Variants in MAP2K1 observed in about 807,000 individuals in gnomAD.
The protein encoded by MAP2K1 is mitogen-activated protein kinase kinase 1.
MAP2K1 carries 16 observed loss-of-function variants against 46.3 expected under a neutral mutation model. The observed-to-expected ratio is 0.35, with a 90% CI of 0.23 to 0.52. MAP2K1 has a LOEUF of 0.52. Among genes scored for constraint, MAP2K1 ranks in the 20% least tolerant of loss-of-function variants. MAP2K1 has a pLI of 0.94. For synonymous variants in MAP2K1, 183 were observed against 185.6 expected, an observed-to-expected ratio of 0.99 and a Z score of 0.11; for missense variants, 263 against 497.1, an observed-to-expected ratio of 0.53 and a Z score of 4.48.
At chr15:66,438,233 C>T (rs1008378594) in intron 3 of MAP2K1, among the ~76,000 whole-genome samples, 27 of 151,556 alleles carry the variant, frequency 1.8e-4, no homozygotes, top group African/African-American at 4.8e-4. Flanking sequence ...ATTACAGGTG[C>T]GCACCACCAC....
intron 10 of MAP2K1, chr15:66,490,201 G>C (rs369169545): frequency 1.8e-6 from 1 of 548,338 alleles, no homozygotes; most frequent in African/African-American, 1.9e-5. Flanking sequence ...TATGCACTAA[G>C]TCCATCATTT....
intron 1 of MAP2K1, among the ~76,000 whole-genome samples, chr15:66,390,599 A>G (rs1197468318): frequency 6.6e-6 from 1 of 152,148 alleles, no homozygotes; most frequent in African/African-American, 2.4e-5. Context: ...AATCATGCAA[A>G]AATAGCTTTC....
At position 66,438,357 on chromosome 15, in the gene MAP2K1, G is replaced by A. The variant is rs180952282; in HGVS notation, c.438+1465G>A. On this transcript the variant is annotated intron_variant, in intron 3 of 10. Coordinates refer to ENST00000307102, the MANE Select transcript of MAP2K1 (RefSeq NM_002755.4). ...CCGCCTCGGCCTCCCAAAGTGCTGG[G>A]ATTACAGGCATGAGCCACCGTGCCC... 4.9e-4 allele frequency among the ~76,000 whole-genome samples: 74 copies of A among 152,064 alleles called. 1 individual carries two copies. The highest frequency in any genetic ancestry group is 8.4e-4 in the Non-Finnish European group (57 of 68,016).
rs1252003697 is a variant in MAP2K1 at position 66,420,759 on chromosome 15, G to GTGTGTA, written c.81-14267_81-14266insGTGTAT. 2.1e-3 allele frequency among the ~76,000 whole-genome samples: 83 copies of GTGTGTA among 40,074 alleles called. 5 individuals carry two copies. Among genetic ancestry groups the GTGTGTA allele is most frequent in the African/African-American group, 7.7e-3 (80 of 10,396 alleles). 26.3% of individuals were successfully genotyped at this position (40,074 alleles called of 152,430 possible). A position where few individuals can be genotyped will look rare whatever the true frequency, so the allele number is the denominator to read the frequency against. On this transcript the variant is annotated intron_variant, in intron 1 of 10. Transcript: ENST00000307102. ...TGTGTGTGTGTGTGTGTGTGTGTGTGTATGTGTGTATATATATGTGTATAT... is the reference window on the plus strand; with the variant it reads ...TGTGTGTGTGTGTGTGTGTGTGTGTGTGTGTATATGTGTGTATATATATGTGTATAT...
At position 66,435,208 on chromosome 15, in the gene MAP2K1, A is replaced by G; in HGVS notation, c.262A>G (p.Lys88Glu). ...CGGTGTGGTGTTCAAGGTCTCCCAC[A>G]AGCCTTCTGGCCTGGTCATGGCCAG... ...NGGVVFKVSH[K>E]PSGLVMARKL... The change falls in exon 2 of 11, where the codon AAG (lysine) becomes GAG (glutamate). Residue 88 changes from lysine to glutamate, a missense_variant. Coordinates refer to ENST00000307102, the MANE Select transcript of MAP2K1 (RefSeq NM_002755.4). The G allele has an allele frequency of 6.2e-7, 1 of 1,614,154 alleles. No individual in the cohort carries two copies. The highest frequency in any genetic ancestry group is 8.5e-7 in the Non-Finnish European group (1 of 1,180,010).
chr15:66,452,410 G>A (rs1892055034), intron 5 of MAP2K1, among the ~76,000 whole-genome samples: 1 of 151,834 alleles, frequency 6.6e-6, no homozygotes. Context: ...GTAGTGATTG[G>A]TTTGAGGGGG....
At position 66,489,705 on chromosome 15, in the gene MAP2K1, T is replaced by G; in HGVS notation, c.1023-13T>G. On this transcript the variant is annotated splice_polypyrimidine_tract_variant and intron_variant, in intron 9 of 10. Transcript: ENST00000307102. ...CCAGGCAACAGCTCTTACCTTGTCT[T>G]TCTTCCTTTAAGCTTAATAAAAAAC... 1.9e-6 allele frequency: 3 copies of G among 1,611,304 alleles called. No individual in the cohort carries two copies. Among genetic ancestry groups the G allele is most frequent in the Non-Finnish European group, 2.5e-6 (3 of 1,177,416 alleles).
intron 1 of MAP2K1, among the ~76,000 whole-genome samples, chr15:66,402,868 G>A (rs977617645): frequency 2.6e-5 from 4 of 152,114 alleles, no homozygotes; most frequent in Non-Finnish European, 5.9e-5. Context: ...CTCATCTTGC[G>A]TTGCTCTCAG....
intron 6 of MAP2K1, among the ~76,000 whole-genome samples, chr15:66,483,750 T>TTTC (rs1191200064): frequency 2.7e-5 from 4 of 146,830 alleles, no homozygotes; most frequent in Non-Finnish European, 6.0e-5. Context: ...TACATTTTCT[T>TTTC]TTTTTTTTTT....
At chr15:66,421,683 C>T (rs36010518) in intron 1 of MAP2K1, among the ~76,000 whole-genome samples, 3 of 151,078 alleles carry the variant, frequency 2.0e-5, no homozygotes, top group Non-Finnish European at 4.4e-5. Flanking sequence ...GCCTGTAATC[C>T]CAGCTACTTG....
intron 5 of MAP2K1, among the ~76,000 whole-genome samples, chr15:66,475,335 A>G (rs1411773010): frequency 6.6e-6 from 1 of 152,156 alleles, no homozygotes; most frequent in Non-Finnish European, 1.5e-5. Flanking sequence ...CATTTTAAAA[A>G]ATCTTCATTT....
chr15:66,489,729 A>C lies in MAP2K1; in HGVS notation c.1034A>C (p.Asn345Thr). Residue 345 changes from asparagine to threonine, a missense_variant, in exon 10 of 11, where the codon AAC becomes ACC. This residue lies in a region of MAP2K1 where 118 missense variants were observed against 193.0 expected (regional missense o/e 0.61). Coordinates refer to ENST00000307102, the MANE Select transcript of MAP2K1 (RefSeq NM_002755.4). ...QDFVNKCLIK[N>T]PAERADLKQL... ...TTTCTTCCTTTAAGCTTAATAAAAA[A>C]CCCCGCAGAGAGAGCAGATTTGAAG... The C allele has an allele frequency of 6.2e-7, 1 of 1,613,758 alleles. No individual in the cohort carries two copies. The highest frequency in any genetic ancestry group is 1.1e-5 in the South Asian group (1 of 91,074).
chr15:66,457,609 C>G (rs1173079659), intron 5 of MAP2K1, among the ~76,000 whole-genome samples: 1 of 152,100 alleles, frequency 6.6e-6, no homozygotes, highest in African/African-American at 2.4e-5. Flanking sequence ...AAAAATCTTC[C>G]TAACCAAAAG....
intron 1 of MAP2K1, among the ~76,000 whole-genome samples, chr15:66,433,873 G>A (rs1462974254): frequency 6.6e-6 from 1 of 152,182 alleles, no homozygotes; most frequent in Non-Finnish European, 1.5e-5. Flanking sequence ...CCACCTTCCT[G>A]TTAACCAACT....
chr15:66,488,977 C>T (rs1567027346), intron 8 of MAP2K1: 26 of 595,408 alleles, frequency 4.4e-5, no homozygotes, highest in Non-Finnish European at 3.0e-6. Context: ...GTGGACTTGA[C>T]TTGGTCCCAA....
At chr15:66,403,876 A>G (rs1345722578) in intron 1 of MAP2K1, among the ~76,000 whole-genome samples, 1 of 152,178 alleles carries the variant, frequency 6.6e-6, no homozygotes, top group Non-Finnish European at 1.5e-5. Flanking sequence ...ACCACCCTTT[A>G]GTAAACAGTC....
At chr15:66,421,101 C>CAT (rs1422097113) in intron 1 of MAP2K1, among the ~76,000 whole-genome samples, 1 of 40,700 alleles carries the variant, frequency 2.5e-5, no homozygotes, top group Non-Finnish European at 4.9e-5. Context: ...CATACACACA[C>CAT]ACACACACAC....
At chr15:66,489,842 C>G in intron 10 of MAP2K1, 79 bp downstream of exon 10, 1 of 1,225,316 alleles carries the variant, frequency 8.2e-7, no homozygotes, top group Non-Finnish European at 1.2e-6. Context: ...TGCAGTACTT[C>G]CAGAGCCCAT....
chr15:66,421,509 A>G (rs901565726), intron 1 of MAP2K1, among the ~76,000 whole-genome samples: 19 of 151,362 alleles, frequency 1.3e-4, no homozygotes, highest in Non-Finnish European at 2.1e-4. Context: ...TCCTAATTCT[A>G]TACCATTGTC....
Sources: gnomAD v4.1 joint callset for allele counts (sites outside exome capture counted in the v4.1 genomes callset) on GRCh38, gnomAD v4.1.1 for gene constraint, gnomAD v4.1.1 regional missense constraint, MANE v1.5 for transcripts, NCBI Gene and HGNC (gene_info 2026-07-23, HGNC 2026-07-21) for gene names.